Variants in ZBED6 observed in about 807,000 individuals in gnomAD.
ZBED6 encodes zinc finger BED domain-containing protein 6.
A neutral mutation model predicts 58.4 loss-of-function variants in ZBED6; 40 were observed. That is an observed-to-expected ratio of 0.68 (90% CI 0.53 to 0.89). ZBED6 has a LOEUF of 0.89. ZBED6 is among the 40% of genes least tolerant of loss of function. The pLI is 0.00. For synonymous variants in ZBED6, 439 were observed against 350.6 expected (o/e 1.25, Z -2.82); for missense variants, 1,057 against 1,003.9 (o/e 1.05, Z -0.71).
chr1:203,831,809 A>G (rs1200428854), intron 8 of ZBED6, 38 bp downstream of exon 8: 3 of 1,515,204 alleles, frequency 2.0e-6, no homozygotes, highest in African/African-American at 2.8e-5. Flanking sequence ...TCAAGCCTCT[A>G]CTTTTATATA....
chr1:203,800,730 ATTGAAAGGCC>A (rs1670311901), exon 1 of ZBED6: 1 of 267,710 alleles, frequency 3.7e-6, no homozygotes, highest in South Asian at 1.2e-4. Flanking sequence ...ATAGTGCAGC[ATTGAAAGGCC>A]TTAGGCTTTC....
chr1:203,847,841 T>C (rs557390723), intron 12 of ZBED6, among the ~76,000 whole-genome samples, 154 bp downstream of exon 12: 1 of 152,310 alleles, frequency 6.6e-6, no homozygotes, highest in East Asian at 1.9e-4. Context: ...TAGTGCTATG[T>C]AGACCTATGC....
intron 11 of ZBED6, among the ~76,000 whole-genome samples, chr1:203,844,068 G>C (rs1687220273): frequency 1.3e-5 from 2 of 152,074 alleles, no homozygotes; most frequent in Non-Finnish European, 2.9e-5. Flanking sequence ...TGTTGGTCAG[G>C]CTGGTCTCGA....
At chr1:203,833,364 C>CAAA (rs34277550) in intron 8 of ZBED6, among the ~76,000 whole-genome samples, 10 of 71,134 alleles carry the variant, frequency 1.4e-4, no homozygotes, top group South Asian at 5.3e-4. Flanking sequence ...GACTCTGTCT[C>CAAA]AAAAAAAAAA....
intron 11 of ZBED6, among the ~76,000 whole-genome samples, chr1:203,842,463 C>G (rs1028711024): frequency 6.6e-6 from 1 of 151,952 alleles, no homozygotes; most frequent in Non-Finnish European, 1.5e-5. Context: ...TCAAGTGTGG[C>G]GGCGCGCGCC....
chr1:203,852,388 A>T, exon 17 of ZBED6: 1 of 1,613,744 alleles, frequency 6.2e-7, no homozygotes, highest in Non-Finnish European at 8.5e-7. Flanking sequence ...ATCAGAAATG[A>T]TTGATAGCTG....
intron 7 of ZBED6, among the ~76,000 whole-genome samples, 186 bp from the exon 8 acceptor site, chr1:203,831,475 A>G (rs889116655): frequency 3.3e-5 from 5 of 152,178 alleles, no homozygotes; most frequent in African/African-American, 7.2e-5. Flanking sequence ...TTTTCACATC[A>G]TGCCCAAGGC....
At chr1:203,809,144 A>G (rs1224464636) in intron 1 of ZBED6, among the ~76,000 whole-genome samples, 4 of 96,764 alleles carry the variant, frequency 4.1e-5, no homozygotes, top group South Asian at 3.3e-4. Flanking sequence ...TTTTCTTATT[A>G]TTTTTGAAGC....
At chr1:203,846,594 T>A (rs1268323007) in intron 11 of ZBED6, among the ~76,000 whole-genome samples, 1 of 152,234 alleles carries the variant, frequency 6.6e-6, no homozygotes. Context: ...GTAAATTACA[T>A]GTGGACAGAG....
At chr1:203,833,617 G>GTTTTTTTT (rs1558128351) in intron 8 of ZBED6, among the ~76,000 whole-genome samples, 174 bp from the exon 9 acceptor site, 1 of 72,084 alleles carries the variant, frequency 1.4e-5, no homozygotes, top group Non-Finnish European at 2.9e-5. Context: ...AATAGGTTTG[G>GTTTTTTTT]GTTTTTTTTT....
Position 203,799,087 on chromosome 1 carries a change from G to C in ZBED6, c.1565G>C (p.Trp522Ser), listed in dbSNP as rs1057469126. Residue 522 changes from tryptophan (W) to serine (S), a missense_variant, in exon 1 of 17, where the codon TGG becomes TCG. Coordinates refer to ENST00000550078, the Ensembl canonical transcript of ZBED6. ...GGCAGGATCCCCGATTTTAGAAAGT[G>C]GGCAGTGCTTTGTGTTACAGGTTTG... is the stretch of plus-strand genomic sequence containing the variant. The C allele has an allele frequency of 2.6e-6, 4 of 1,535,958 alleles. No homozygotes were observed. The African/African-American group carries it at 5.5e-5, about 21-fold the overall frequency.
At chr1:203,812,892 C>T (rs1199742535) in intron 1 of ZBED6, among the ~76,000 whole-genome samples, 1 of 152,040 alleles carries the variant, frequency 6.6e-6, no homozygotes, top group Admixed American at 6.6e-5. Flanking sequence ...GGATTTTAGC[C>T]ATTAGAAAAG....
Position 203,832,219 on chromosome 1 carries a change from C to A in ZBED6, c.*3510+448C>A, listed in dbSNP as rs137878332. On this transcript the variant is annotated intron_variant, in intron 8 of 16. Transcript: ENST00000550078. ...GATTATAGGCATGTGCCACCAAGCC[C>A]GGCTGATTTTTTTGTATTTTTAGTA... 4.4e-3 allele frequency among the ~76,000 whole-genome samples: 671 copies of A among 152,092 alleles called. 7 individuals are homozygous for A. The highest frequency in any genetic ancestry group is 0.015 in the African/African-American group (635 of 41,488).
intron 13 of ZBED6, among the ~76,000 whole-genome samples, chr1:203,849,156 A>G (rs930427556): frequency 6.6e-5 from 10 of 152,312 alleles, no homozygotes; most frequent in Admixed American, 5.9e-4. Flanking sequence ...ACGTGTTGGG[A>G]TTACATGTGT....
exon 12 of ZBED6, chr1:203,847,319 C>T (rs751872027): frequency 1.9e-6 from 3 of 1,613,886 alleles, no homozygotes; most frequent in Non-Finnish European, 2.5e-6. Flanking sequence ...GATTCTACTT[C>T]AGGAGCAAGA....
chr1:203,833,984 C>G (rs1193662427), intron 9 of ZBED6, 131 bp downstream of exon 9: 1 of 1,372,008 alleles, frequency 7.3e-7, no homozygotes, highest in African/African-American at 1.5e-5. Context: ...CTTATAAATT[C>G]CTCATGTTTT....
At chr1:203,802,408 A>G (rs1670795682) in exon 1 of ZBED6, 1 of 152,484 alleles carries the variant, frequency 6.6e-6, no homozygotes, top group Non-Finnish European at 1.5e-5. Context: ...TCCAAATGTT[A>G]TATTTCTATA....
At chr1:203,838,159 G>A (rs1305930051) in intron 10 of ZBED6, 95 bp downstream of exon 10, 9 of 1,113,988 alleles carry the variant, frequency 8.1e-6, no homozygotes, top group Non-Finnish European at 1.2e-5. Flanking sequence ...TTTTGTTCAG[G>A]TAAATAGGTT....
In ZBED6 at chr1:203,805,814, C is replaced by T; in HGVS notation, c.*2554+2798C>T. 5.9e-6 allele frequency: 5 copies of T among 849,798 alleles called. No individual in the cohort carries two copies. In the South Asian group the frequency reaches 6.5e-5, roughly 11 times the overall value. 52.6% of individuals were successfully genotyped at this position (849,798 alleles called of 1,614,324 possible). On this transcript the variant is annotated intron_variant, in intron 1 of 16. Coordinates refer to ENST00000550078, the Ensembl canonical transcript of ZBED6. ...TTGTCTTCATCTAATTCTGGGCCGCCATAACTGCGACTCAGTGCTTCTTGG... is the reference window on the plus strand; with the variant it reads ...TTGTCTTCATCTAATTCTGGGCCGCTATAACTGCGACTCAGTGCTTCTTGG...
Sources: gnomAD v4.1 joint callset for allele counts (sites outside exome capture counted in the v4.1 genomes callset) on GRCh38, gnomAD v4.1.1 for gene constraint, MANE v1.5 for transcripts, NCBI Gene and HGNC (gene_info 2026-07-23, HGNC 2026-07-21) for gene names.